The following DDX10 variants were observed in gnomAD, a reference collection of about 807,000 sequenced individuals.
DDX10 encodes DEAD-box helicase 10, also known as probable ATP-dependent RNA helicase DDX10.
A neutral mutation model predicts 104.3 loss-of-function variants in DDX10; 74 were observed. The ratio of observed to expected loss-of-function variants is 0.71; its 90% CI spans 0.59 to 0.86. The LOEUF (loss-of-function observed/expected upper bound fraction) is 0.86. Ranked by LOEUF, DDX10 falls within the 40% of genes least tolerant of loss-of-function variation. The pLI is 0.00. For missense variants in DDX10, 952 were observed against 1,040.0 expected, an observed-to-expected ratio of 0.92 and a Z score of 1.16; for synonymous variants, 351 against 353.4, an observed-to-expected ratio of 0.99 and a Z score of 0.08.
At chr11:108,922,291 GAAGAAAGCA>G (rs1241286301) in intron 17 of DDX10, 1 of 149,486 alleles carries the variant, frequency 6.7e-6, no homozygotes, top group Admixed American at 6.7e-5. Flanking sequence ...AGAAGAAAGC[GAAGAAAGCA>G]AAGAAAGCAC....
intron 16 of DDX10, among the ~76,000 whole-genome samples, chr11:108,887,479 A>G (rs891775490): frequency 2.0e-5 from 3 of 151,794 alleles, no homozygotes; most frequent in African/African-American, 4.8e-5. Flanking sequence ...AAAAAAAAGA[A>G]AAAACTGTGG....
chr11:108,714,532 T>C (rs1268162792), intron 10 of DDX10, among the ~76,000 whole-genome samples: 1 of 151,788 alleles, frequency 6.6e-6, no homozygotes, highest in Non-Finnish European at 1.5e-5. Context: ...CTGACTCTTT[T>C]TTTTTTTTTT....
intron 13 of DDX10, among the ~76,000 whole-genome samples, chr11:108,732,133 A>AT (rs1480964154): frequency 6.6e-6 from 1 of 152,226 alleles, no homozygotes; most frequent in African/African-American, 2.4e-5. Context: ...TGTAGATTTT[A>AT]TGGAATATGT....
At chr11:108,770,824 A>G (rs1425985601) in intron 13 of DDX10, among the ~76,000 whole-genome samples, 1 of 151,718 alleles carries the variant, frequency 6.6e-6, no homozygotes, top group Non-Finnish European at 1.5e-5. Context: ...GGGAGTGCAG[A>G]TGTCTCTGAT....
intron 16 of DDX10, among the ~76,000 whole-genome samples, chr11:108,893,117 G>A (rs1174417696): frequency 6.6e-6 from 1 of 152,080 alleles, no homozygotes; most frequent in Admixed American, 6.6e-5. Flanking sequence ...TATAGCAGAT[G>A]ATCAATAAAT....
At chr11:108,765,653 A>G (rs1473475742) in intron 13 of DDX10, among the ~76,000 whole-genome samples, 1 of 152,244 alleles carries the variant, frequency 6.6e-6, no homozygotes, top group African/African-American at 2.4e-5. Context: ...TGCAAAATAC[A>G]TGGCTAACCA....
chr11:108,741,751 A>G (rs1281977644), intron 13 of DDX10, among the ~76,000 whole-genome samples: 1 of 152,144 alleles, frequency 6.6e-6, no homozygotes, highest in African/African-American at 2.4e-5. Context: ...GCAAACAGGG[A>G]TAGTTTGACT....
intron 16 of DDX10, among the ~76,000 whole-genome samples, chr11:108,865,315 A>G (rs866875864): frequency 2.6e-5 from 4 of 152,150 alleles, no homozygotes; most frequent in African/African-American, 4.8e-5. Flanking sequence ...GTCCAGGACT[A>G]TATATCCTGT....
intron 17 of DDX10, among the ~76,000 whole-genome samples, chr11:108,925,754 A>G (rs919695980): frequency 3.9e-5 from 6 of 151,988 alleles, no homozygotes; most frequent in African/African-American, 1.5e-4. Flanking sequence ...AATTTTCGCT[A>G]TTGTAAGTAA....
Position 108,706,829 on chromosome 11 carries a change from G to A in DDX10, c.1314G>A (p.Lys438=), listed in dbSNP as rs2094276859. 2 of 1,613,396 alleles carry A rather than the reference G, an allele frequency of 1.2e-6. No homozygotes were observed. The highest frequency in any genetic ancestry group is 1.7e-6 in the Non-Finnish European group (2 of 1,179,400). Residue 438 remains lysine (K), a synonymous_variant, in exon 10 of 18, where the codon AAG becomes AAA. Transcript: ENST00000322536. ...QQLLQKKVPV[K]EIKINPEKLI... Reference sequence around the variant, plus strand: ...TTCTTCAGAAGAAAGTACCTGTGAAGGAAATCAAGTAAGAGCTACTTGTTG... The same window carrying A: ...TTCTTCAGAAGAAAGTACCTGTGAAAGAAATCAAGTAAGAGCTACTTGTTG...
rs571057694 is a variant in DDX10 at position 108,916,809 on chromosome 11, A to G, written c.2305-1064A>G. ...TGTGATGTTCATAACATAAATGTAT[A>G]ATAAGTTTAATTTTGCATTAGTTTG... On this transcript the variant is annotated intron_variant, in intron 16 of 17. Coordinates refer to ENST00000322536, the MANE Select transcript of DDX10 (RefSeq NM_004398.4). 2.4e-3 allele frequency among the ~76,000 whole-genome samples: 358 copies of G among 152,334 alleles called. 2 individuals are homozygous for G. Among genetic ancestry groups the G allele is most frequent in the South Asian group, 0.02 (97 of 4,822 alleles).
chr11:108,680,497 G>T (rs1325397448), intron 6 of DDX10, among the ~76,000 whole-genome samples: 1 of 152,176 alleles, frequency 6.6e-6, no homozygotes, highest in Non-Finnish European at 1.5e-5. Flanking sequence ...TTACACTCAG[G>T]CATGAGCCAC....
chr11:108,864,548 C>T (rs12574758), intron 16 of DDX10, among the ~76,000 whole-genome samples: 18,866 of 152,094 alleles, frequency 0.12, 1,388 homozygotes, highest in East Asian at 0.25. Flanking sequence ...TCTTGGCTCA[C>T]TGCAGCCTTG....
At chr11:108,745,513 C>T (rs2094330820) in intron 13 of DDX10, among the ~76,000 whole-genome samples, 1 of 152,074 alleles carries the variant, frequency 6.6e-6, no homozygotes, top group Admixed American at 6.6e-5. Context: ...GTTAAGATTA[C>T]AGGCATGAGC....
intron 11 of DDX10, among the ~76,000 whole-genome samples, chr11:108,719,104 G>GTTTT (rs36015980): frequency 0.03 from 3,934 of 129,376 alleles, 147 homozygotes; most frequent in African/African-American, 0.095. Flanking sequence ...TATGAAGATA[G>GTTTT]TTTTTTTTTT....
intron 13 of DDX10, among the ~76,000 whole-genome samples, chr11:108,787,412 G>C (rs987900424): frequency 6.6e-6 from 1 of 151,984 alleles, no homozygotes; most frequent in Non-Finnish European, 1.5e-5. Flanking sequence ...GGAGATTTTC[G>C]TAGAGTATAT....
At chr11:108,868,046 T>C (rs949133578) in intron 16 of DDX10, among the ~76,000 whole-genome samples, 2 of 152,146 alleles carry the variant, frequency 1.3e-5, no homozygotes, top group Non-Finnish European at 2.9e-5. Context: ...TTGCATATAC[T>C]GAACCAGGTT....
chr11:108,755,715 C>T (rs937972903), intron 13 of DDX10, among the ~76,000 whole-genome samples: 1 of 152,112 alleles, frequency 6.6e-6, no homozygotes. Context: ...TGGTTCACAA[C>T]GTTGGCTCTG....
intron 13 of DDX10, among the ~76,000 whole-genome samples, chr11:108,793,333 CA>C (rs1261324882): frequency 1.3e-5 from 2 of 152,126 alleles, no homozygotes; most frequent in Admixed American, 1.3e-4. Flanking sequence ...TCAATGAGAC[CA>C]GATGCAAATC....
Sources: gnomAD v4.1 joint callset for allele counts (sites outside exome capture counted in the v4.1 genomes callset) on GRCh38, gnomAD v4.1.1 for gene constraint, MANE v1.5 for transcripts, NCBI Gene and HGNC (gene_info 2026-07-23, HGNC 2026-07-21) for gene names.